The following SLC30A7 variants were observed in gnomAD, a reference collection of about 807,000 sequenced individuals.
SLC30A7 encodes zinc transporter 7.
SLC30A7 carries 35 observed loss-of-function variants against 46.0 expected under a neutral mutation model. The ratio of observed to expected loss-of-function variants is 0.76; its 90% CI spans 0.58 to 1.01. The LOEUF (loss-of-function observed/expected upper bound fraction) is 1.01, where lower values mean the gene tolerates loss of function less well. Among genes scored for constraint, SLC30A7 ranks in the 50% least tolerant of loss-of-function variants. SLC30A7 has a pLI of 0.00. For missense variants in SLC30A7, 464 were observed against 451.1 expected (o/e 1.03, Z -0.26); for synonymous variants, 147 against 157.8 (o/e 0.93, Z 0.51).
intron 8 of SLC30A7, among the ~76,000 whole-genome samples, chr1:100,955,804 CTT>C (rs1166646240): frequency 6.6e-6 from 1 of 152,156 alleles, no homozygotes; most frequent in East Asian, 1.9e-4. Context: ...TTTTATGACT[CTT>C]TAAATTATTA....
chr1:100,905,346 T>C (rs545717889), intron 2 of SLC30A7, among the ~76,000 whole-genome samples: 1 of 152,220 alleles, frequency 6.6e-6, no homozygotes, highest in Admixed American at 6.5e-5. Context: ...GATTTTTTTA[T>C]TTCTCTTTGA....
intron 8 of SLC30A7, among the ~76,000 whole-genome samples, chr1:100,940,104 G>A (rs959513916): frequency 2.6e-5 from 4 of 152,110 alleles, no homozygotes; most frequent in African/African-American, 9.7e-5. Context: ...GAGCAGATTA[G>A]GAGGTCCAGA....
At chr1:100,981,938 G>C (rs879662914), downstream of SLC30A7, among the ~76,000 whole-genome samples, 5 of 152,186 alleles carry the variant, frequency 3.3e-5, no homozygotes, top group Admixed American at 6.6e-5. Flanking sequence ...TTTACATTGT[G>C]AACAGCCTCA....
intron 8 of SLC30A7, among the ~76,000 whole-genome samples, chr1:100,938,213 C>A (rs1222202319): frequency 1.3e-5 from 2 of 152,080 alleles, no homozygotes; most frequent in Non-Finnish European, 2.9e-5. Context: ...TTATGGGTTT[C>A]TTGAGATCCC....
At chr1:100,937,647 C>A (rs1438222580) in intron 8 of SLC30A7, among the ~76,000 whole-genome samples, 2 of 151,946 alleles carry the variant, frequency 1.3e-5, no homozygotes, top group African/African-American at 4.8e-5. Context: ...AATACTTTGT[C>A]CATTTTTAAA....
At chr1:100,995,311 G>A in the SLC30A7 span, among the ~76,000 whole-genome samples, 34 of 152,318 alleles carry the variant, frequency 2.2e-4, no homozygotes, top group African/African-American at 7.7e-4. Flanking sequence ...ATGGAAGCTT[G>A]TGGTTGTGCC....
chr1:100,940,185 G>C (rs918546066), intron 8 of SLC30A7, among the ~76,000 whole-genome samples: 9 of 152,052 alleles, frequency 5.9e-5, no homozygotes, highest in African/African-American at 2.2e-4. Flanking sequence ...AAAAAAGATG[G>C]CTTCCCTAAA....
At position 100,965,805 on chromosome 1, in the gene SLC30A7, C is replaced by T. The variant is rs372371505; in HGVS notation, c.970C>T (p.Gln324Ter). Reference sequence around the variant, plus strand: ...GCAAGGAGTTTACAGTTTACAGGAACAGCACTTCTGGACTTTATGTTCTGA... The same window carrying T: ...GCAAGGAGTTTACAGTTTACAGGAATAGCACTTCTGGACTTTATGTTCTGA... The part of the protein sequence containing the change: ...QLQGVYSLQE[Q>*]HFWTLCSDVY... Residue 324 changes from glutamine (Q) to a stop codon, truncating the protein, a stop_gained, in exon 10 of 11, where the codon CAG becomes TAG. Coordinates refer to ENST00000357650, the MANE Select transcript of SLC30A7 (RefSeq NM_133496.5). LOFTEE classifies it high-confidence loss of function. The T allele has an allele frequency of 6.8e-6, 11 of 1,613,650 alleles. No homozygotes were observed. The highest frequency in any genetic ancestry group is 2.7e-5 in the African/African-American group (2 of 74,918).
the SLC30A7 span, chr1:100,990,551 G>T: frequency 6.2e-7 from 1 of 1,614,064 alleles, no homozygotes. Flanking sequence ...GTGCACATTT[G>T]CCTTAAAGTG....
chr1:100,906,152 A>G (rs1021522958), intron 2 of SLC30A7, among the ~76,000 whole-genome samples: 2 of 152,126 alleles, frequency 1.3e-5, no homozygotes, highest in African/African-American at 4.8e-5. Flanking sequence ...GGTTCCTACT[A>G]CTTTGTGATT....
intron 10 of SLC30A7, chr1:100,972,473 CTT>C: frequency 6.4e-6 from 1 of 155,984 alleles, no homozygotes; most frequent in Middle Eastern, 8.1e-4. Flanking sequence ...TACCTAGCCT[CTT>C]TGTTTTTCCT....
chr1:100,948,017 G>C (rs1243163960), intron 8 of SLC30A7, among the ~76,000 whole-genome samples: 1 of 152,118 alleles, frequency 6.6e-6, no homozygotes, highest in African/African-American at 2.4e-5. Flanking sequence ...GCCAGTCTGT[G>C]TCTTTTAATT....
chr1:100,920,229 T>G (rs1652856237), intron 7 of SLC30A7, among the ~76,000 whole-genome samples: 1 of 152,040 alleles, frequency 6.6e-6, no homozygotes, highest in South Asian at 2.1e-4. Context: ...AAAACACTGA[T>G]TAAAGAATAT....
At chr1:100,928,416 G>A (rs905624334) in intron 8 of SLC30A7, among the ~76,000 whole-genome samples, 5 of 152,302 alleles carry the variant, frequency 3.3e-5, no homozygotes, top group South Asian at 2.1e-4. Context: ...GCTATTTAGA[G>A]AAGAGGCTGA....
intron 3 of SLC30A7, among the ~76,000 whole-genome samples, chr1:100,909,802 C>T (rs1269342342): frequency 1.3e-5 from 2 of 152,048 alleles, no homozygotes; most frequent in South Asian, 2.1e-4. Flanking sequence ...AGAAGTCAAG[C>T]ACAAAAGGTT....
At chr1:100,950,452 T>C (rs1489562072) in intron 8 of SLC30A7, among the ~76,000 whole-genome samples, 1 of 152,222 alleles carries the variant, frequency 6.6e-6, no homozygotes, top group Non-Finnish European at 1.5e-5. Context: ...GAAGTCAGCA[T>C]GGAGTTTGGG....
intron 8 of SLC30A7, among the ~76,000 whole-genome samples, chr1:100,933,883 G>C (rs531521821): frequency 2.6e-5 from 4 of 152,212 alleles, no homozygotes; most frequent in African/African-American, 9.7e-5. Flanking sequence ...TTAAGGTTCA[G>C]TTCTAATACT....
chr1:100,934,403 A>C (rs1441524528), intron 8 of SLC30A7, among the ~76,000 whole-genome samples: 1 of 152,180 alleles, frequency 6.6e-6, no homozygotes, highest in Non-Finnish European at 1.5e-5. Context: ...TTGCACACTT[A>C]GAGAAGGCAA....
rs768430275 is a variant in SLC30A7 at position 100,912,210 on chromosome 1, T to C, written c.483T>C (p.His161=). Residue 161 remains histidine, a synonymous_variant, in exon 5 of 11, where the codon CAT becomes CAC. Transcript: ENST00000357650. ...VNLIGIFVFK[H]GGHGHSHGSG... ...TAATAGGAATATTTGTTTTCAAACA[T>C]GGAGGTCATGGACATTCTCATGGCT... The C allele has an allele frequency of 6.2e-7, 1 of 1,614,078 alleles. No individual in the cohort carries two copies. The highest frequency in any genetic ancestry group is 8.5e-7 in the Non-Finnish European group (1 of 1,179,946).
Sources: allele counts gnomAD v4.1 joint callset (sites outside exome capture counted in the v4.1 genomes callset), GRCh38; gene constraint gnomAD v4.1.1; transcripts MANE v1.5; gene names NCBI Gene and HGNC (gene_info 2026-07-23, HGNC 2026-07-21).